PTPRT: variants seen among roughly 807,000 people sequenced by gnomAD.
PTPRT encodes protein tyrosine phosphatase receptor type T.
Under a neutral mutation model 176.8 loss-of-function variants are expected in PTPRT, and 56 were observed. The observed-to-expected ratio is 0.32, with a 90% CI of 0.26 to 0.40. The LOEUF (loss-of-function observed/expected upper bound fraction) is 0.40. Ranked by LOEUF, PTPRT falls within the 10% of genes least tolerant of loss-of-function variation. The pLI is 1.00. For synonymous variants in PTPRT, 783 were observed against 739.0 expected (o/e 1.06, Z -0.96); for missense variants, 1,540 against 1,908.2 (o/e 0.81, Z 3.60).
intron 7 of PTPRT, among the ~76,000 whole-genome samples, chr20:42,523,509 G>A (rs2072214162): frequency 6.6e-6 from 1 of 152,028 alleles, no homozygotes; most frequent in Non-Finnish European, 1.5e-5. Context: ...TTGTTCATGG[G>A]GTTTTGTTTT....
intron 7 of PTPRT, among the ~76,000 whole-genome samples, chr20:42,480,462 G>A (rs1267646532): frequency 1.3e-5 from 2 of 152,144 alleles, no homozygotes; most frequent in East Asian, 1.9e-4. Flanking sequence ...GTGTTAGAAA[G>A]CTTCCATTAA....
rs1982571231 is a variant in PTPRT, at chr20:42,074,341, G to A, written c.*6538C>T. 2 of 234,154 alleles carry A rather than the reference G, an allele frequency of 8.5e-6. No individual in the cohort carries two copies. Among genetic ancestry groups the A allele is most frequent in the African/African-American group, 2.2e-5 (1 of 45,456 alleles). 14.5% of individuals were successfully genotyped at this position (234,154 alleles called of 1,614,324 possible). A position where few individuals can be genotyped will look rare whatever the true frequency, so the allele number is the denominator to read the frequency against. Reference sequence around the variant, plus strand: ...AGAGACTCAATTTTGTAATTTTGGTGGTTTACTTCCTATGACCCTTTCTCC... The same window carrying A: ...AGAGACTCAATTTTGTAATTTTGGTAGTTTACTTCCTATGACCCTTTCTCC... On this transcript the variant is annotated 3_prime_UTR_variant, in exon 31 of 31. Coordinates refer to ENST00000373187, the MANE Select transcript of PTPRT (RefSeq NM_007050.6).
chr20:42,132,320 G>A (rs1367022961), intron 18 of PTPRT, among the ~76,000 whole-genome samples: 1 of 152,124 alleles, frequency 6.6e-6, no homozygotes, highest in Non-Finnish European at 1.5e-5. Context: ...AATACTATAT[G>A]GCATGAGAGG....
chr20:42,520,957 C>G (rs570193046), intron 7 of PTPRT, among the ~76,000 whole-genome samples: 4 of 151,912 alleles, frequency 2.6e-5, no homozygotes, highest in African/African-American at 9.7e-5. Context: ...TCCGTCCACC[C>G]ACCAACCTAC....
chr20:42,689,015 G>A (rs1569085852), intron 6 of PTPRT, among the ~76,000 whole-genome samples: 1 of 152,200 alleles, frequency 6.6e-6, no homozygotes, highest in Non-Finnish European at 1.5e-5. Flanking sequence ...ACACAGTTGT[G>A]TGGTATTGAT....
chr20:42,478,431 T>C (rs1211813702), intron 7 of PTPRT, among the ~76,000 whole-genome samples: 1 of 152,122 alleles, frequency 6.6e-6, no homozygotes, highest in Non-Finnish European at 1.5e-5. Flanking sequence ...TAAAGCACCA[T>C]GTCCATCCTG....
At chr20:42,230,507 G>C (rs2056112276) in intron 15 of PTPRT, among the ~76,000 whole-genome samples, 1 of 152,174 alleles carries the variant, frequency 6.6e-6, no homozygotes, top group Admixed American at 6.5e-5. Flanking sequence ...GTTGGGGTCT[G>C]CTTTACTACA....
At chr20:42,199,597 C>G (rs757915949) in intron 15 of PTPRT, among the ~76,000 whole-genome samples, 15 of 152,164 alleles carry the variant, frequency 9.9e-5, no homozygotes, top group Non-Finnish European at 5.9e-5. Flanking sequence ...CCCGACAATG[C>G]ATGTGTTCTA....
intron 12 of PTPRT, among the ~76,000 whole-genome samples, chr20:42,302,889 T>A (rs1427631962): frequency 1.3e-5 from 2 of 152,120 alleles, no homozygotes; most frequent in Admixed American, 1.3e-4. Context: ...GCAAATAACT[T>A]CCCCATACTG....
intron 1 of PTPRT, among the ~76,000 whole-genome samples, chr20:43,055,631 T>C (rs559814331): frequency 6.6e-6 from 1 of 152,344 alleles, no homozygotes; most frequent in Admixed American, 6.5e-5. Flanking sequence ...ATTAGGAAGA[T>C]AAATTTTATT....
At position 42,585,720 on chromosome 20, in the gene PTPRT, A is replaced by G. The variant is rs183094984; in HGVS notation, c.1153+92146T>C. Among the ~76,000 whole-genome samples the G allele has an allele frequency of 2.0e-5, 3 of 152,300 alleles. No individual in the cohort carries two copies. The East Asian group carries it at 5.8e-4, about 29-fold the overall frequency. ...TCAATCATCTCCTGTACAAGATTTT[A>G]TATAAATTTACCTGTAGATTGCTTT... On this transcript the variant is annotated intron_variant, in intron 7 of 30. Coordinates refer to ENST00000373187, the MANE Select transcript of PTPRT (RefSeq NM_007050.6).
At chr20:42,696,734 T>A (rs902679932) in intron 6 of PTPRT, among the ~76,000 whole-genome samples, 2 of 152,008 alleles carry the variant, frequency 1.3e-5, no homozygotes, top group African/African-American at 4.8e-5. Flanking sequence ...GGATTACAGG[T>A]GTGAGCCACC....
At chr20:42,245,832 A>T (rs1466640914) in intron 14 of PTPRT, among the ~76,000 whole-genome samples, 1 of 152,080 alleles carries the variant, frequency 6.6e-6, no homozygotes, top group Non-Finnish European at 1.5e-5. Flanking sequence ...AGTCAGCTGA[A>T]TCTATTAGGA....
chr20:42,271,388 C>T (rs150925582), intron 13 of PTPRT, among the ~76,000 whole-genome samples: 182 of 152,298 alleles, frequency 1.2e-3, no homozygotes, highest in African/African-American at 4.1e-3. Context: ...GTCTTTAGTA[C>T]GTCAGTGAAT....
chr20:42,884,471 A>C (rs1206365718), intron 2 of PTPRT, among the ~76,000 whole-genome samples: 1 of 151,748 alleles, frequency 6.6e-6, no homozygotes, highest in African/African-American at 2.4e-5. Flanking sequence ...ATCCTGGAAA[A>C]CCCCGTTCTC....
intron 1 of PTPRT, among the ~76,000 whole-genome samples, chr20:43,158,104 T>C (rs540255427): frequency 6.6e-6 from 1 of 152,282 alleles, no homozygotes; most frequent in South Asian, 2.1e-4. Context: ...AGAGGGTGGC[T>C]TGGCCAGGTG....
At chr20:42,545,975 T>G (rs1321539014) in intron 7 of PTPRT, among the ~76,000 whole-genome samples, 4 of 152,226 alleles carry the variant, frequency 2.6e-5, no homozygotes, top group African/African-American at 9.6e-5. Flanking sequence ...TAAATATCTA[T>G]ATCTATAAAT....
At chr20:42,491,933 T>C (rs2071567722) in intron 7 of PTPRT, among the ~76,000 whole-genome samples, 2 of 152,172 alleles carry the variant, frequency 1.3e-5, no homozygotes, top group Non-Finnish European at 2.9e-5. Flanking sequence ...AAAGAAATAA[T>C]ATACTATGTA....
intron 13 of PTPRT, among the ~76,000 whole-genome samples, chr20:42,258,179 C>T (rs1335092386): frequency 6.6e-6 from 1 of 152,270 alleles, no homozygotes; most frequent in South Asian, 2.1e-4. Flanking sequence ...CTGTCTCTGC[C>T]GGGTTTGCCA....
Sources: gnomAD v4.1 joint callset for allele counts (sites outside exome capture counted in the v4.1 genomes callset) on GRCh38, gnomAD v4.1.1 for gene constraint, MANE v1.5 for transcripts, NCBI Gene and HGNC (gene_info 2026-07-23, HGNC 2026-07-21) for gene names.